SCFD2: variants seen among roughly 807,000 people sequenced by gnomAD.
SCFD2 encodes the protein sec1 family domain-containing protein 2.
Under a neutral mutation model 58.9 loss-of-function variants are expected in SCFD2, and 54 were observed. The observed-to-expected ratio is 0.92, with a 90% CI of 0.74 to 1.15. The LOEUF (loss-of-function observed/expected upper bound fraction) is 1.15. Among genes scored for constraint, SCFD2 ranks in the 50% most tolerant of loss-of-function variants. The pLI is 0.00. For missense variants in SCFD2, 805 were observed against 836.6 expected (o/e 0.96, Z 0.47); for synonymous variants, 321 against 335.9 (o/e 0.96, Z 0.49).
chr4:53,344,438 C>G (rs369636424), intron 2 of SCFD2, among the ~76,000 whole-genome samples: 23 of 151,882 alleles, frequency 1.5e-4, no homozygotes, highest in South Asian at 8.3e-4. Flanking sequence ...CACTGCTCAA[C>G]GAAATAAAAG....
chr4:53,126,362 T>A, intron 5 of SCFD2, among the ~76,000 whole-genome samples: 1 of 152,308 alleles, frequency 6.6e-6, no homozygotes, highest in Non-Finnish European at 1.5e-5. Flanking sequence ...TCTTGCTCTC[T>A]GGAAGTGCAG....
chr4:53,246,892 T>A (rs1009364223), intron 4 of SCFD2, among the ~76,000 whole-genome samples: 2 of 145,402 alleles, frequency 1.4e-5, no homozygotes, highest in African/African-American at 5.1e-5. Flanking sequence ...AAAGAAGCTA[T>A]CAACAGAGCA....
chr4:53,355,814 T>G (rs935349214), intron 1 of SCFD2, among the ~76,000 whole-genome samples: 1 of 152,200 alleles, frequency 6.6e-6, no homozygotes, highest in African/African-American at 2.4e-5. Flanking sequence ...TTAGGCCCAT[T>G]GCACTTGCCA....
At chr4:53,355,128 A>C (rs1193440051) in intron 1 of SCFD2, among the ~76,000 whole-genome samples, 1 of 152,192 alleles carries the variant, frequency 6.6e-6, no homozygotes, top group Admixed American at 6.5e-5. Flanking sequence ...TCTTATATGG[A>C]ATAAAATGAG....
Position 53,181,161 on chromosome 4 carries a change from C to A in SCFD2, c.1312-35579G>T, listed in dbSNP as rs541891833. On this transcript the variant is annotated intron_variant, in intron 4 of 8. Coordinates refer to ENST00000401642, the MANE Select transcript of SCFD2 (RefSeq NM_152540.4). ...ATCCTCCCTAACTCATGTTATGAGGCCAGCATCATCCTGATACCAAAGCCT... is the reference window on the plus strand; with the variant it reads ...ATCCTCCCTAACTCATGTTATGAGGACAGCATCATCCTGATACCAAAGCCT... 1.5e-4 allele frequency among the ~76,000 whole-genome samples: 23 copies of A among 152,256 alleles called. No homozygotes were observed. In the South Asian group the frequency reaches 4.8e-3, roughly 32 times the overall value.
chr4:53,022,052 G>A (rs1442842676), intron 5 of SCFD2, among the ~76,000 whole-genome samples: 1 of 152,294 alleles, frequency 6.6e-6, no homozygotes, highest in Non-Finnish European at 1.5e-5. Context: ...TGGGGATGTT[G>A]TCAGGTGATT....
chr4:53,179,064 G>T (rs1727448451), intron 4 of SCFD2, among the ~76,000 whole-genome samples: 1 of 152,180 alleles, frequency 6.6e-6, no homozygotes, highest in Admixed American at 6.5e-5. Context: ...GAACCAAGTT[G>T]GAAAACACTC....
chr4:53,180,685 A>G (rs1006565207), intron 4 of SCFD2, among the ~76,000 whole-genome samples: 16 of 152,288 alleles, frequency 1.1e-4, no homozygotes, highest in Non-Finnish European at 2.1e-4. Flanking sequence ...GACACAAAAA[A>G]CCCTTCAAAA....
At chr4:53,356,319 C>G (rs1247939532) in intron 1 of SCFD2, among the ~76,000 whole-genome samples, 1 of 152,182 alleles carries the variant, frequency 6.6e-6, no homozygotes, top group African/African-American at 2.4e-5. Context: ...CTGCCCTATG[C>G]TATTTTAGGG....
chr4:53,191,697 G>A (rs1039036548), intron 4 of SCFD2, among the ~76,000 whole-genome samples: 14 of 152,246 alleles, frequency 9.2e-5, no homozygotes, highest in East Asian at 5.8e-4. Context: ...GAGCCACCGC[G>A]CCTGGCTGGT....
intron 4 of SCFD2, among the ~76,000 whole-genome samples, chr4:53,186,826 T>C (rs1335837514): frequency 1.3e-5 from 2 of 152,044 alleles, no homozygotes; most frequent in Non-Finnish European, 2.9e-5. Context: ...AATTTGCTGT[T>C]TGTAGAGTCA....
chr4:53,123,081 T>A (rs1430097492), intron 5 of SCFD2, among the ~76,000 whole-genome samples: 1 of 152,164 alleles, frequency 6.6e-6, no homozygotes, highest in African/African-American at 2.4e-5. Flanking sequence ...GCTGACCCAC[T>A]CTCTCCAGAC....
chr4:53,032,025 AG>A (rs770640772), intron 5 of SCFD2, among the ~76,000 whole-genome samples: 6 of 152,338 alleles, frequency 3.9e-5, no homozygotes, highest in African/African-American at 4.8e-5. Flanking sequence ...AAAAATGTTA[AG>A]GGCAGCCAGG....
chr4:53,329,280 C>A (rs1733335808), intron 2 of SCFD2, among the ~76,000 whole-genome samples: 1 of 152,220 alleles, frequency 6.6e-6, no homozygotes, highest in South Asian at 2.1e-4. Context: ...GTAGGCTTCA[C>A]CTCTGGGGGC....
At chr4:52,926,459 C>T (rs1300149438) in intron 5 of SCFD2, among the ~76,000 whole-genome samples, 1 of 152,050 alleles carries the variant, frequency 6.6e-6, no homozygotes, top group Admixed American at 6.5e-5. Flanking sequence ...AAATCATGCA[C>T]GTGTGGCTTG....
intron 5 of SCFD2, chr4:52,948,419 T>C: frequency 4.6e-6 from 2 of 437,904 alleles, no homozygotes; most frequent in Admixed American, 4.9e-5. Flanking sequence ...CTAGCAACTT[T>C]GGACAGATTC....
At chr4:53,042,749 C>A (rs1055246290) in intron 5 of SCFD2, among the ~76,000 whole-genome samples, 1 of 152,068 alleles carries the variant, frequency 6.6e-6, no homozygotes, top group African/African-American at 2.4e-5. Context: ...CCTCCACTTA[C>A]ACACATTAGA....
At chr4:52,939,373 T>C (rs1175528101) in intron 5 of SCFD2, among the ~76,000 whole-genome samples, 2 of 152,214 alleles carry the variant, frequency 1.3e-5, no homozygotes, top group Non-Finnish European at 2.9e-5. Flanking sequence ...TCAGAATTGC[T>C]AGTAAGTGAC....
chr4:52,918,951 C>A (rs1384356427), intron 6 of SCFD2, among the ~76,000 whole-genome samples: 1 of 152,186 alleles, frequency 6.6e-6, no homozygotes, highest in African/African-American at 2.4e-5. Context: ...CCTACCTCCA[C>A]TCCACTTCCC....
Sources: gnomAD v4.1 joint callset for allele counts (sites outside exome capture counted in the v4.1 genomes callset) on GRCh38, gnomAD v4.1.1 for gene constraint, MANE v1.5 for transcripts, NCBI Gene and HGNC (gene_info 2026-07-23, HGNC 2026-07-21) for gene names.